MUL1: variants seen among roughly 807,000 people sequenced by gnomAD.
The protein encoded by MUL1 is mitochondrial ubiquitin ligase activator of NFKB 1.
Under a neutral mutation model 34.1 loss-of-function variants are expected in MUL1, and 30 were observed. The ratio of observed to expected loss-of-function variants is 0.88; its 90% CI spans 0.66 to 1.19. The LOEUF is 1.19. Among genes scored for constraint, MUL1 ranks in the 50% most tolerant of loss-of-function variants. The pLI, the probability that MUL1 is intolerant of heterozygous loss-of-function variation, is 0.00. For synonymous variants in MUL1, 191 were observed against 187.8 expected, an observed-to-expected ratio of 1.02 and a Z score of -0.14; for missense variants, 419 against 450.5, an observed-to-expected ratio of 0.93 and a Z score of 0.63.
intron 1 of MUL1, among the ~76,000 whole-genome samples, chr1:20,505,028 G>C (rs1170205434): frequency 2.6e-5 from 4 of 152,184 alleles, no homozygotes; most frequent in African/African-American, 4.8e-5. Context: ...GAAAGATCTG[G>C]AGTTTAATCT....
chr1:20,505,716 A>G (rs1281614909), intron 1 of MUL1, among the ~76,000 whole-genome samples: 3 of 152,020 alleles, frequency 2.0e-5, no homozygotes, highest in Admixed American at 1.3e-4. Context: ...GAAATAGAAA[A>G]TAGAATCTAA....
chr1:20,506,258 A>T (rs2051712990), intron 1 of MUL1, among the ~76,000 whole-genome samples: 1 of 152,170 alleles, frequency 6.6e-6, no homozygotes. Flanking sequence ...GTATTGTGAA[A>T]CTTCAGCCAA....
intron 1 of MUL1, 30 bp downstream of exon 1, chr1:20,507,875 G>A (rs1187296411): frequency 3.1e-6 from 5 of 1,590,642 alleles, no homozygotes; most frequent in African/African-American, 1.3e-5. Flanking sequence ...GAGATGACCC[G>A]GCTGAGGCCA....
Position 20,502,050 on chromosome 1 carries a change from G to A in MUL1, c.329+19C>T, listed in dbSNP as rs1447045871. On this transcript the variant is annotated intron_variant, in intron 3 of 3. Coordinates refer to ENST00000264198, the MANE Select transcript of MUL1 (RefSeq NM_024544.3). Reference sequence around the variant, plus strand: ...AGACCAACTGCAAGGGTTTTGGCCAGTGGAGAAGTGATACATACCAAAGGT... The same window carrying A: ...AGACCAACTGCAAGGGTTTTGGCCAATGGAGAAGTGATACATACCAAAGGT... 1 of 1,612,754 alleles carries A rather than the reference G, an allele frequency of 6.2e-7. No homozygotes were observed. Among genetic ancestry groups the A allele is most frequent in the South Asian group, 1.1e-5 (1 of 91,010 alleles).
At position 20,500,515 on chromosome 1, in the gene MUL1, G is replaced by T; in HGVS notation, c.*175C>A. On this transcript the variant is annotated 3_prime_UTR_variant, in exon 4 of 4. Transcript: ENST00000264198. ...ACAGGGTCCCCTCTCAGGTGGGAAA[G>T]GCAGCATCCTGCCATTGGAGGCATG... 1.2e-6 allele frequency: 1 copy of T among 802,050 alleles called. No individual in the cohort carries two copies. Among genetic ancestry groups the T allele is most frequent in the Non-Finnish European group, 1.9e-6 (1 of 527,152 alleles). The allele number at this position is 802,050 out of a possible 1,614,324, so 49.7% of individuals were successfully genotyped here.
At chr1:20,504,317 C>T (rs928179619) in intron 1 of MUL1, among the ~76,000 whole-genome samples, 2 of 152,196 alleles carry the variant, frequency 1.3e-5, no homozygotes, top group Non-Finnish European at 2.9e-5. Context: ...CCTGTTACTG[C>T]TGTTTCAAAA....
At position 20,501,598 on chromosome 1, in the gene MUL1, T is replaced by C. The variant is rs1166015690; in HGVS notation, c.330-179A>G. On this transcript the variant is annotated intron_variant, in intron 3 of 3. Coordinates refer to ENST00000264198, the MANE Select transcript of MUL1 (RefSeq NM_024544.3). The surrounding 1 kb of genome is among the most constrained non-coding windows in gnomAD (Gnocchi z 4.2). ...GCTCCATTTGTAGGTCCTGGGGCGATATCAGTGGGCAACAAATAACCGCCA... is the reference window on the plus strand; with the variant it reads ...GCTCCATTTGTAGGTCCTGGGGCGACATCAGTGGGCAACAAATAACCGCCA... 1.3e-5 allele frequency among the ~76,000 whole-genome samples: 2 copies of C among 152,320 alleles called. No homozygotes were observed. The highest frequency in any genetic ancestry group is 1.9e-4 in the East Asian group (1 of 5,190).
At chr1:20,506,086 T>C (rs1331327325) in intron 1 of MUL1, among the ~76,000 whole-genome samples, 5 of 152,178 alleles carry the variant, frequency 3.3e-5, no homozygotes, top group Admixed American at 2.0e-4. Context: ...TGGTTTCTTT[T>C]TTTTCTGAGA....
At position 20,500,192 on chromosome 1, in the gene MUL1, TC is replaced by T. The variant is rs1553135322; in HGVS notation, c.*497del. The T allele has an allele frequency of 6.5e-6, 1 of 152,764 alleles. No individual in the cohort carries two copies. Among genetic ancestry groups the T allele is most frequent in the Non-Finnish European group, 1.5e-5 (1 of 68,560 alleles). The allele number at this position is 152,764 out of a possible 1,614,324, so 9.5% of individuals were successfully genotyped here. On this transcript the variant is annotated 3_prime_UTR_variant, in exon 4 of 4. Coordinates refer to ENST00000264198, the MANE Select transcript of MUL1 (RefSeq NM_024544.3). Reference sequence around the variant, plus strand: ...CTGACAATTCTGAAGAAAGACTGTTTCCCGGGGCATGAGGAAAAAGAAGAAA... The same window carrying T: ...CTGACAATTCTGAAGAAAGACTGTTTCCGGGGCATGAGGAAAAAGAAGAAA...
rs759582608 is a variant in MUL1, at chr1:20,502,052, G to A, written c.329+17C>T. 2 of 1,612,742 alleles carry A rather than the reference G, an allele frequency of 1.2e-6. No individual in the cohort carries two copies. Among genetic ancestry groups the A allele is most frequent in the Non-Finnish European group, 1.7e-6 (2 of 1,179,800 alleles). ...ACCAACTGCAAGGGTTTTGGCCAGT[G>A]GAGAAGTGATACATACCAAAGGTGG... is the stretch of plus-strand genomic sequence containing the variant. On this transcript the variant is annotated intron_variant, in intron 3 of 3. Transcript: ENST00000264198.
Position 20,501,567 on chromosome 1 carries a change from A to C in MUL1, c.330-148T>G. On this transcript the variant is annotated intron_variant, in intron 3 of 3. Transcript: ENST00000264198. The surrounding 1 kb of genome is among the most constrained non-coding windows in gnomAD (Gnocchi z 4.2). ...TCACTATCTCCAGTTGCCTCCTAAC[A>C]AGGAGGCTCCATTTGTAGGTCCTGG... 3.5e-6 allele frequency: 3 copies of C among 847,410 alleles called. No homozygotes were observed. Among genetic ancestry groups the C allele is most frequent in the South Asian group, 1.9e-5 (1 of 53,306 alleles). The allele number at this position is 847,410 out of a possible 1,614,324, so 52.5% of individuals were successfully genotyped here. A position where few individuals can be genotyped will look rare whatever the true frequency, so the allele number is the denominator to read the frequency against.
intron 1 of MUL1, among the ~76,000 whole-genome samples, chr1:20,506,322 G>A (rs2051713511): frequency 6.6e-6 from 1 of 152,198 alleles, no homozygotes; most frequent in Non-Finnish European, 1.5e-5. Flanking sequence ...TACTGTGTTA[G>A]AAGCTAGAGG....
At chr1:20,506,633 T>C (rs1474862073) in intron 1 of MUL1, among the ~76,000 whole-genome samples, 1 of 151,708 alleles carries the variant, frequency 6.6e-6, no homozygotes, top group East Asian at 2.0e-4. Flanking sequence ...AGGGATCACC[T>C]GAAGTCAGGA....
intron 1 of MUL1, among the ~76,000 whole-genome samples, chr1:20,506,985 C>A (rs12059568): frequency 0.049 from 7,404 of 151,978 alleles, 197 homozygotes; most frequent in Middle Eastern, 0.1. Flanking sequence ...CCCAACGCTT[C>A]GGAGAGCCGA....
chr1:20,504,445 C>CA (rs1243046522), intron 1 of MUL1, among the ~76,000 whole-genome samples: 1 of 152,160 alleles, frequency 6.6e-6, no homozygotes, highest in Non-Finnish European at 1.5e-5. Flanking sequence ...AGGGTATTCC[C>CA]AAAAACAACT....
Position 20,507,826 on chromosome 1 carries a change from C to A in MUL1, c.120+79G>T. 4 of 1,517,234 alleles carry A rather than the reference C, an allele frequency of 2.6e-6. No individual in the cohort carries two copies. In the South Asian group the frequency reaches 3.7e-5, roughly 14 times the overall value. 94.0% of individuals were successfully genotyped at this position (1,517,234 alleles called of 1,614,324 possible). ...TTTTGGACAGTTTCCGACGGTGGGG[C>A]GGCCAAGGTGAATCATGGGCTCCCC... On this transcript the variant is annotated intron_variant, in intron 1 of 3. Transcript: ENST00000264198.
In MUL1 at chr1:20,505,529, G is replaced by A. The variant is rs183645422; in HGVS notation, c.121-2220C>T. Among the ~76,000 whole-genome samples the A allele has an allele frequency of 2.8e-3, 371 of 134,492 alleles. 2 individuals carry two copies. The highest frequency in any genetic ancestry group is 0.01 in the African/African-American group (361 of 35,892). 88.2% of individuals were successfully genotyped at this position (134,492 alleles called of 152,430 possible). Reference sequence around the variant, plus strand: ...GCCTGGGAGCTCGAGGCTGCAATGAGCTATGTTTGTGCCACTGCACTCCAG... The same window carrying A: ...GCCTGGGAGCTCGAGGCTGCAATGAACTATGTTTGTGCCACTGCACTCCAG... On this transcript the variant is annotated intron_variant, in intron 1 of 3. Coordinates refer to ENST00000264198, the MANE Select transcript of MUL1 (RefSeq NM_024544.3).
chr1:20,508,004 G>C lies in MUL1; in HGVS notation c.21C>G (p.Pro7=). The part of the protein sequence containing the change: MESGGR[P]SLCQFILLGT... ...CCAGGAGGATGAACTGGCACAGCGA[G>C]GGCCGCCCTCCGCTCTCCATGACGG... Residue 7 remains proline, a synonymous_variant, in exon 1 of 4, where the codon CCC becomes CCG. Transcript: ENST00000264198. 1 of 1,586,694 alleles carries C rather than the reference G, an allele frequency of 6.3e-7. No homozygotes were observed. Among genetic ancestry groups the C allele is most frequent in the East Asian group, 2.3e-5 (1 of 43,936 alleles).
At chr1:20,504,961 A>G (rs2051698595) in intron 1 of MUL1, among the ~76,000 whole-genome samples, 1 of 152,218 alleles carries the variant, frequency 6.6e-6, no homozygotes, top group African/African-American at 2.4e-5. Flanking sequence ...CTAGTAAAGT[A>G]TCCACCACAG....
Sources: allele counts gnomAD v4.1 joint callset (sites outside exome capture counted in the v4.1 genomes callset), GRCh38; gene constraint gnomAD v4.1.1; non-coding constraint Gnocchi (gnomAD v3.1); transcripts MANE v1.5; gene names NCBI Gene and HGNC (gene_info 2026-07-23, HGNC 2026-07-21).